The following ARHGEF9 variants were observed in gnomAD, a reference collection of about 807,000 sequenced individuals.
The protein encoded by ARHGEF9 is Cdc42 guanine nucleotide exchange factor 9, also known as rho guanine nucleotide exchange factor 9.
A neutral mutation model predicts 41.3 loss-of-function variants in ARHGEF9; 2 were observed. The ratio of observed to expected loss-of-function variants is 0.05; its 90% CI spans 0.02 to 0.15. ARHGEF9 has a LOEUF of 0.15. Among genes scored for constraint, ARHGEF9 ranks in the 10% least tolerant of loss-of-function variants. The probability of loss-of-function intolerance (pLI) is 1.00; values close to 1 mark genes in which losing one functional copy is unlikely to be tolerated. For missense variants in ARHGEF9, 225 were observed against 424.7 expected (o/e 0.53, Z 4.13); for synonymous variants, 160 against 154.4 (o/e 1.04, Z -0.27).
chrX:63,644,765 T>A (rs188809963), intron 8 of ARHGEF9, among the ~76,000 whole-genome samples: 5,112 of 104,646 alleles, frequency 0.049, 113 homozygotes, highest in Non-Finnish European at 0.061. Context: ...TATTATTATT[T>A]TTTTTTTTTT....
chrX:63,679,078 G>A (rs1325967099), intron 4 of ARHGEF9, among the ~76,000 whole-genome samples: 1 of 112,093 alleles, frequency 8.9e-6, no homozygotes, highest in Non-Finnish European at 1.9e-5. Flanking sequence ...ATGTGATGAA[G>A]TGTTTAGAGG....
At chrX:63,733,141 G>A (rs370660525) in intron 1 of ARHGEF9, among the ~76,000 whole-genome samples, 1 of 112,457 alleles carries the variant, frequency 8.9e-6, no homozygotes, top group African/African-American at 3.2e-5. Context: ...TGAACAATGT[G>A]TATACTCCAC....
chrX:63,769,973 C>T (rs1387338633), intron 1 of ARHGEF9, among the ~76,000 whole-genome samples: 2 of 111,977 alleles, frequency 1.8e-5, no homozygotes, highest in African/African-American at 6.5e-5. Flanking sequence ...TACTGGGCAC[C>T]ACCTAGTGGA....
At chrX:63,682,836 C>T (rs1292389067) in intron 4 of ARHGEF9, among the ~76,000 whole-genome samples, 2 of 111,746 alleles carry the variant, frequency 1.8e-5, no homozygotes, top group Non-Finnish European at 3.8e-5. Flanking sequence ...AAAATTTCCT[C>T]AGCATAAGAA....
Position 63,683,277 on chromosome X carries a change from A to C in ARHGEF9, c.583-4705T>G, listed in dbSNP as rs1556371602. 3.6e-5 allele frequency among the ~76,000 whole-genome samples: 4 copies of C among 111,766 alleles called. No homozygotes were observed. The Admixed American group carries it at 3.8e-4, about 11-fold the overall frequency. On this transcript the variant is annotated intron_variant, in intron 4 of 9. Coordinates refer to ENST00000671741, the MANE Select transcript of ARHGEF9 (RefSeq NM_001353921.2). ...ATCAAAAAGAATGAAATACTTAAGG[A>C]ATACATTTATTCAAGAAGGTGAAAG...
At chrX:63,691,775 T>C (rs1450909419) in intron 4 of ARHGEF9, among the ~76,000 whole-genome samples, 1 of 111,037 alleles carries the variant, frequency 9.0e-6, no homozygotes, top group Non-Finnish European at 1.9e-5. Flanking sequence ...AGAACAAAGC[T>C]GGAGGCATCA....
intron 4 of ARHGEF9, among the ~76,000 whole-genome samples, chrX:63,680,088 C>T (rs1445155354): frequency 1.8e-5 from 2 of 111,726 alleles, no homozygotes; most frequent in Non-Finnish European, 3.8e-5. Flanking sequence ...CTTACAATGG[C>T]AGCCGAAAAA....
chrX:63,689,704 C>CA (rs1490852927), intron 4 of ARHGEF9, among the ~76,000 whole-genome samples: 6 of 112,108 alleles, frequency 5.4e-5, no homozygotes, highest in Admixed American at 4.7e-4. Flanking sequence ...ACATTTTCCT[C>CA]ATCAGCATAT....
At chrX:63,666,059 G>T (rs1556347739) in intron 6 of ARHGEF9, 42 bp from the exon 7 acceptor site, 7 of 1,207,603 alleles carry the variant, frequency 5.8e-6, no homozygotes, top group Non-Finnish European at 7.8e-6. Flanking sequence ...CAGGCAGAAG[G>T]ATGGCACCAT....
intron 4 of ARHGEF9, among the ~76,000 whole-genome samples, chrX:63,691,397 TA>T (rs1327346005): frequency 7.5e-5 from 8 of 107,292 alleles, no homozygotes; most frequent in Middle Eastern, 4.7e-3. Flanking sequence ...AAACAGGATT[TA>T]AAAAAAAATA....
At position 63,715,765 on chromosome X, in the gene ARHGEF9, C is replaced by T. The variant is rs377126120; in HGVS notation, c.210+8767G>A. Among the ~76,000 whole-genome samples the T allele has an allele frequency of 1.4e-4, 16 of 112,091 alleles. No individual in the cohort carries two copies. In the East Asian group the frequency reaches 3.6e-3, roughly 26 times the overall value. On this transcript the variant is annotated intron_variant, in intron 2 of 9. Transcript: ENST00000671741. ...GAATTTAATCCCTTCCCTAACTATC[C>T]TGTATTTTCTACCTGCTAACATTTG...
rs1357736380 is a variant in ARHGEF9 at position 63,785,175 on chromosome X, C to A, written c.-30G>T. The A allele has an allele frequency of 3.4e-6, 4 of 1,161,389 alleles. No homozygotes were observed. The highest frequency in any genetic ancestry group is 2.6e-5 in the Admixed American group (1 of 38,550). ...CTTGCGAAGTCCGGCTTCTCTGAGG[C>A]CCCGTAGCTGGCGCGAGTTGTCGCG... On this transcript the variant is annotated 5_prime_UTR_variant, in exon 1 of 10. Transcript: ENST00000671741.
intron 7 of ARHGEF9, 88 bp downstream of exon 7, chrX:63,665,798 T>C: frequency 8.9e-7 from 1 of 1,121,043 alleles, no homozygotes; most frequent in Non-Finnish European, 1.2e-6. Context: ...ATTTGCCCAC[T>C]TTGTTGGGAG....
chrX:63,673,776 C>A (rs2050098869), intron 6 of ARHGEF9, among the ~76,000 whole-genome samples: 1 of 111,241 alleles, frequency 9.0e-6, no homozygotes. Context: ...CTGAATCAAC[C>A]CTAATTGTTC....
intron 8 of ARHGEF9, among the ~76,000 whole-genome samples, chrX:63,650,201 C>T (rs782619639): frequency 7.2e-5 from 8 of 111,211 alleles, no homozygotes; most frequent in Non-Finnish European, 1.3e-4. Flanking sequence ...GAAAGGATAT[C>T]AATATACCGA....
At chrX:63,643,613 G>C (rs782471670) in intron 9 of ARHGEF9, among the ~76,000 whole-genome samples, 135 of 110,124 alleles carry the variant, frequency 1.2e-3, no homozygotes, top group Non-Finnish European at 2.0e-3. Flanking sequence ...CCAAAGTGCT[G>C]GGATTACAGG....
At chrX:63,657,081 T>C (rs1330646819) in intron 7 of ARHGEF9, 1 of 112,024 alleles carries the variant, frequency 8.9e-6, no homozygotes, top group African/African-American at 3.2e-5. Context: ...AGATGTGGTA[T>C]GGCTGAGTCA....
rs1232892034 is a variant in ARHGEF9, at chrX:63,637,840, ATCTC to A, written c.*184_*187del. On this transcript the variant is annotated 3_prime_UTR_variant, in exon 10 of 10. Transcript: ENST00000671741. ...ACAACAGAAAACACTTTTGTTCCTT[ATCTC>A]TCTGTGTGTGTGTGTGTGTGTGTGT... 2.1e-5 allele frequency: 7 copies of A among 326,016 alleles called. No homozygotes were observed. Among genetic ancestry groups the A allele is most frequent in the African/African-American group, 7.5e-5 (2 of 26,783 alleles). The allele number at this position is 326,016 out of a possible 1,213,427, so 26.9% of individuals were successfully genotyped here.
rs782512196 is a variant in ARHGEF9, at chrX:63,637,928, G to T, written c.*100C>A. On this transcript the variant is annotated 3_prime_UTR_variant, in exon 10 of 10. Coordinates refer to ENST00000671741, the MANE Select transcript of ARHGEF9 (RefSeq NM_001353921.2). ...TGTACTCAAGGGTCTCTGTGTGTGT[G>T]TGTGTGTATAAATTTCAACAGTGCT... 4.6e-6 allele frequency: 3 copies of T among 656,667 alleles called. No individual in the cohort carries two copies. The highest frequency in any genetic ancestry group is 6.8e-6 in the Non-Finnish European group (3 of 439,950). 54.1% of individuals were successfully genotyped at this position (656,667 alleles called of 1,213,427 possible).
Sources: gnomAD v4.1 joint callset for allele counts (sites outside exome capture counted in the v4.1 genomes callset) on GRCh38, gnomAD v4.1.1 for gene constraint, MANE v1.5 for transcripts, NCBI Gene and HGNC (gene_info 2026-07-23, HGNC 2026-07-21) for gene names.